The following SYT1 variants were observed in gnomAD, a reference collection of about 807,000 sequenced individuals.
The protein encoded by SYT1 is synaptotagmin 1, also known as synaptotagmin-1.
A neutral mutation model predicts 44.8 loss-of-function variants in SYT1; 8 were observed. That is an observed-to-expected ratio of 0.18 (90% CI 0.10 to 0.32). The LOEUF (loss-of-function observed/expected upper bound fraction) is 0.32, where lower values mean the gene tolerates loss of function less well. Among genes scored for constraint, SYT1 ranks in the 10% least tolerant of loss-of-function variants. The pLI is 1.00. For missense variants in SYT1, 286 were observed against 509.3 expected, an observed-to-expected ratio of 0.56 and a Z score of 4.22; for synonymous variants, 154 against 188.8, an observed-to-expected ratio of 0.82 and a Z score of 1.51.
intron 3 of SYT1, among the ~76,000 whole-genome samples, chr12:79,134,113 TG>T (rs1294672221): frequency 3.3e-5 from 5 of 152,214 alleles, no homozygotes; most frequent in Non-Finnish European, 7.3e-5. Flanking sequence ...TTCTTGTTAC[TG>T]GGTGTCAAAC....
intron 4 of SYT1, among the ~76,000 whole-genome samples, chr12:79,268,385 A>G (rs542440624): frequency 1.3e-3 from 193 of 152,266 alleles, no homozygotes; most frequent in African/African-American, 4.5e-3. Flanking sequence ...TTAATCATTA[A>G]CCCTTTAATT....
chr12:78,890,962 A>G (rs1402126606), intron 1 of SYT1, among the ~76,000 whole-genome samples: 1 of 151,942 alleles, frequency 6.6e-6, no homozygotes, highest in Non-Finnish European at 1.5e-5. Context: ...TCCAGATTTT[A>G]GGTACATAGC....
chr12:79,039,618 A>ATTT (rs1005203083), intron 2 of SYT1, among the ~76,000 whole-genome samples: 1 of 120,372 alleles, frequency 8.3e-6, no homozygotes, highest in Non-Finnish European at 1.9e-5. Flanking sequence ...ATTTATTTTT[A>ATTT]TTTTTTTATT....
At chr12:78,872,418 GC>G (rs1873869173) in intron 1 of SYT1, among the ~76,000 whole-genome samples, 1 of 151,688 alleles carries the variant, frequency 6.6e-6, no homozygotes, top group Non-Finnish European at 1.5e-5. Flanking sequence ...TGAACACATA[GC>G]AACAGTTTTA....
intron 9 of SYT1, among the ~76,000 whole-genome samples, chr12:79,416,890 G>A (rs1005980461): frequency 1.3e-5 from 2 of 152,104 alleles, no homozygotes; most frequent in East Asian, 1.9e-4. Context: ...TAAAAGAATA[G>A]CTTCTTTTTT....
At chr12:79,393,291 G>T (rs1331968178) in intron 9 of SYT1, 1 of 152,098 alleles carries the variant, frequency 6.6e-6, no homozygotes, top group Admixed American at 6.6e-5. Context: ...TTGTAGTAGT[G>T]TGACTTATAA....
At chr12:79,276,380 CA>C (rs61019983) in intron 4 of SYT1, among the ~76,000 whole-genome samples, 1 of 151,094 alleles carries the variant, frequency 6.6e-6, no homozygotes, top group South Asian at 2.1e-4. Context: ...AAAAACAAAA[CA>C]AAAAAAACAG....
At chr12:79,241,122 T>C (rs1201371132) in intron 4 of SYT1, among the ~76,000 whole-genome samples, 3 of 152,166 alleles carry the variant, frequency 2.0e-5, no homozygotes, top group African/African-American at 7.2e-5. Context: ...ACAAGTGAAC[T>C]GTGATAGTGC....
chr12:79,410,506 C>CAAA lies in SYT1; in HGVS notation c.929-33547_929-33545dup, dbSNP rs5799432. Reference sequence around the variant, plus strand: ...ACCATGGCTTCAGGCTGTTCAAAGTCAAAAAAAAAAAAAAAAAAAAAACAG... The same window carrying CAAA: ...ACCATGGCTTCAGGCTGTTCAAAGTCAAAAAAAAAAAAAAAAAAAAAAAAACAG... On this transcript the variant is annotated intron_variant, in intron 9 of 10. Coordinates refer to ENST00000261205, the MANE Select transcript of SYT1 (RefSeq NM_005639.3). Among the ~76,000 whole-genome samples, 655 of 75,852 alleles carry CAAA rather than the reference C, an allele frequency of 8.6e-3. 8 individuals carry two copies. Among genetic ancestry groups the CAAA allele is most frequent in the African/African-American group, 0.026 (452 of 17,586 alleles). The allele number at this position is 75,852 out of a possible 152,430, so 49.8% of individuals were successfully genotyped here. A position where few individuals can be genotyped will look rare whatever the true frequency, so the allele number is the denominator to read the frequency against.
chr12:79,294,608 T>C (rs1243709079), intron 6 of SYT1, among the ~76,000 whole-genome samples: 1 of 152,124 alleles, frequency 6.6e-6, no homozygotes, highest in Non-Finnish European at 1.5e-5. Flanking sequence ...TTATAAATCA[T>C]CTAGTTTCTA....
intron 1 of SYT1, among the ~76,000 whole-genome samples, chr12:78,956,917 A>G (rs1228375115): frequency 1.3e-5 from 2 of 152,110 alleles, no homozygotes; most frequent in African/African-American, 2.4e-5. Context: ...AGAAAGATCA[A>G]ATAGGACAGG....
chr12:78,869,936 T>TTTAACATTA (rs1364766285), intron 1 of SYT1, among the ~76,000 whole-genome samples: 1 of 152,092 alleles, frequency 6.6e-6, no homozygotes, highest in African/African-American at 2.4e-5. Context: ...ATGTTTTATG[T>TTTAACATTA]TTAACATTAT....
intron 9 of SYT1, among the ~76,000 whole-genome samples, chr12:79,374,840 C>T (rs959837401): frequency 3.3e-5 from 5 of 152,188 alleles, no homozygotes; most frequent in Admixed American, 6.5e-5. Flanking sequence ...GAGCTTGGAA[C>T]GAGCTCAGGG....
Position 79,444,093 on chromosome 12 carries a change from C to T in SYT1, c.949C>T (p.Leu317=), listed in dbSNP as rs147648735. ...TTCAGATCCTTATGTGAAGATTCAT[C>T]TGATGCAGAATGGTAAGAGGCTGAA... ...GLSDPYVKIH[L]MQNGKRLKKK... is the part of the protein sequence containing the mutation. The change falls in exon 10 of 11, where the codon CTG becomes TTG. Residue 317 remains leucine (L), a synonymous_variant. Transcript: ENST00000261205. 232 of 1,613,244 alleles carry T rather than the reference C, an allele frequency of 1.4e-4. 1 individual carries two copies. The highest frequency in any genetic ancestry group is 6.8e-5 in the Non-Finnish European group (80 of 1,179,578).
chr12:79,134,896 G>A (rs911621186), intron 3 of SYT1, among the ~76,000 whole-genome samples: 2 of 151,702 alleles, frequency 1.3e-5, no homozygotes, highest in African/African-American at 4.8e-5. Context: ...TAAGTTCTGG[G>A]GATCTAATGT....
chr12:79,364,663 A>C (rs897339978), intron 9 of SYT1, among the ~76,000 whole-genome samples: 1 of 152,226 alleles, frequency 6.6e-6, no homozygotes, highest in Non-Finnish European at 1.5e-5. Flanking sequence ...AGAACCACTG[A>C]AACTGCTTTT....
chr12:78,967,174 A>T (rs982341613), intron 1 of SYT1, among the ~76,000 whole-genome samples: 1 of 152,208 alleles, frequency 6.6e-6, no homozygotes, highest in African/African-American at 2.4e-5. Context: ...GGAGGAGATG[A>T]AAAAGACTAA....
intron 3 of SYT1, among the ~76,000 whole-genome samples, chr12:79,171,497 A>C (rs1871520426): frequency 6.6e-6 from 1 of 151,986 alleles, no homozygotes; most frequent in Non-Finnish European, 1.5e-5. Context: ...GCTCCTACTA[A>C]ATAACTATAG....
At chr12:79,438,531 G>A (rs1310614894) in intron 9 of SYT1, among the ~76,000 whole-genome samples, 1 of 152,202 alleles carries the variant, frequency 6.6e-6, no homozygotes, top group Admixed American at 6.5e-5. Context: ...AAAAAGAATG[G>A]CACCAGGCCG....
Sources: allele counts gnomAD v4.1 joint callset (sites outside exome capture counted in the v4.1 genomes callset), GRCh38; gene constraint gnomAD v4.1.1; transcripts MANE v1.5; gene names NCBI Gene and HGNC (gene_info 2026-07-23, HGNC 2026-07-21).